KDM4C: variants seen among roughly 807,000 people sequenced by gnomAD.
The protein encoded by KDM4C is lysine-specific demethylase 4C.
In KDM4C, 81 loss-of-function variants were observed where a neutral mutation model predicts 129.3. The ratio of observed to expected loss-of-function variants is 0.63; its 90% CI spans 0.52 to 0.75. KDM4C has a LOEUF of 0.75. Among genes scored for constraint, KDM4C ranks in the 30% least tolerant of loss-of-function variants. KDM4C has a pLI of 0.00. For synonymous variants in KDM4C, 573 were observed against 456.1 expected (o/e 1.26, Z -3.26); for missense variants, 1,457 against 1,304.0 (o/e 1.12, Z -1.81).
At chr9:6,819,477 G>C (rs1230835735) in intron 4 of KDM4C, among the ~76,000 whole-genome samples, 1 of 152,160 alleles carries the variant, frequency 6.6e-6, no homozygotes, top group Non-Finnish European at 1.5e-5. Context: ...ATTTTGGTAG[G>C]ACCTACAAGG....
chr9:7,034,700 G>A (rs1355647163), intron 15 of KDM4C, among the ~76,000 whole-genome samples: 4 of 152,146 alleles, frequency 2.6e-5, no homozygotes, highest in Non-Finnish European at 5.9e-5. Flanking sequence ...CCCAGTAGTG[G>A]TATTGCTGTA....
intron 8 of KDM4C, among the ~76,000 whole-genome samples, chr9:6,923,903 A>G (rs1821998433): frequency 6.6e-6 from 1 of 152,198 alleles, no homozygotes; most frequent in Non-Finnish European, 1.5e-5. Flanking sequence ...AAAAAGCAGG[A>G]ATCTGAGAAG....
intron 4 of KDM4C, among the ~76,000 whole-genome samples, chr9:6,833,234 A>G (rs1275641496): frequency 6.6e-6 from 1 of 152,144 alleles, no homozygotes; most frequent in East Asian, 1.9e-4. Flanking sequence ...TAATATTTCT[A>G]TTTAGCCTAT....
intron 5 of KDM4C, among the ~76,000 whole-genome samples, chr9:6,861,753 C>T (rs1178052690): frequency 6.6e-6 from 1 of 151,598 alleles, no homozygotes; most frequent in Non-Finnish European, 1.5e-5. Context: ...CATAAAGTTA[C>T]TTTACAATAT....
At chr9:6,780,043 C>T (rs1268142867) in intron 1 of KDM4C, among the ~76,000 whole-genome samples, 1 of 152,140 alleles carries the variant, frequency 6.6e-6, no homozygotes, top group Non-Finnish European at 1.5e-5. Context: ...CTGACTCACC[C>T]TTATCTTAAC....
intron 9 of KDM4C, 74 bp downstream of exon 9, chr9:6,981,192 C>T: frequency 8.5e-7 from 1 of 1,176,038 alleles, no homozygotes; most frequent in Non-Finnish European, 1.2e-6. Context: ...TTGGATGTGG[C>T]AATTTACTTG....
chr9:7,082,010 A>T (rs1834578953), intron 17 of KDM4C, among the ~76,000 whole-genome samples: 1 of 152,172 alleles, frequency 6.6e-6, no homozygotes. Flanking sequence ...GGTGTTTTCC[A>T]CTTAGCCTGG....
chr9:6,764,218 A>T (rs1820170083), intron 1 of KDM4C, among the ~76,000 whole-genome samples: 1 of 152,216 alleles, frequency 6.6e-6, no homozygotes, highest in Non-Finnish European at 1.5e-5. Context: ...CCCAGTTGGA[A>T]TTTCCGATGT....
chr9:6,854,079 T>C (rs1178314887), intron 5 of KDM4C, among the ~76,000 whole-genome samples: 2 of 152,124 alleles, frequency 1.3e-5, no homozygotes, highest in African/African-American at 4.8e-5. Flanking sequence ...TTGGCCATAA[T>C]GTATGTATTT....
chr9:6,822,622 G>C (rs1252574416), intron 4 of KDM4C, among the ~76,000 whole-genome samples: 1 of 152,128 alleles, frequency 6.6e-6, no homozygotes, highest in Non-Finnish European at 1.5e-5. Context: ...CTAAGGGCTG[G>C]TCTGCCGATG....
chr9:6,780,736 C>G (rs1005606175), intron 1 of KDM4C, among the ~76,000 whole-genome samples: 104 of 137,044 alleles, frequency 7.6e-4, no homozygotes, highest in African/African-American at 2.8e-3. Context: ...CCATTGTACT[C>G]CAGCCTGGGC....
chr9:6,969,380 T>TA (rs200757909), intron 8 of KDM4C, among the ~76,000 whole-genome samples: 1,570 of 152,356 alleles, frequency 0.01, 27 homozygotes, highest in African/African-American at 0.036. Context: ...AACAGCAATC[T>TA]AAAAATCAAG....
intron 8 of KDM4C, among the ~76,000 whole-genome samples, chr9:6,965,680 C>T (rs1469182755): frequency 1.3e-5 from 2 of 152,174 alleles, no homozygotes; most frequent in African/African-American, 4.8e-5. Context: ...ACTGATGTTC[C>T]AGTTCATGCA....
At position 6,893,084 on chromosome 9, in the gene KDM4C, C is replaced by T. The variant is rs1846332073; in HGVS notation, c.784-11C>T. On this transcript the variant is annotated splice_polypyrimidine_tract_variant and intron_variant, in intron 7 of 21. Coordinates refer to ENST00000381309, the MANE Select transcript of KDM4C (RefSeq NM_015061.6). ...ATTTTTACAAAATATTATATGTTTC[C>T]TACCTTGCAGATAACCCAGGAGGCT... is the stretch of plus-strand genomic sequence containing the variant. 3 of 1,509,438 alleles carry T rather than the reference C, an allele frequency of 2.0e-6. No individual in the cohort carries two copies. Among genetic ancestry groups the T allele is most frequent in the Non-Finnish European group, 1.8e-6 (2 of 1,127,242 alleles). The allele number at this position is 1,509,438 out of a possible 1,614,324, so 93.5% of individuals were successfully genotyped here. A position where few individuals can be genotyped will look rare whatever the true frequency, so the allele number is the denominator to read the frequency against.
At chr9:7,040,253 G>A (rs1828327364) in intron 15 of KDM4C, among the ~76,000 whole-genome samples, 1 of 151,542 alleles carries the variant, frequency 6.6e-6, no homozygotes, top group African/African-American at 2.4e-5. Flanking sequence ...TTTGTTTTAA[G>A]CATTTGTCTT....
intron 8 of KDM4C, among the ~76,000 whole-genome samples, chr9:6,955,053 C>T (rs932698249): frequency 2.0e-5 from 3 of 152,190 alleles, no homozygotes; most frequent in African/African-American, 7.2e-5. Context: ...TGTGGCTAGA[C>T]CCCTCTTCCT....
chr9:6,845,624 C>A (rs1025923549), intron 4 of KDM4C, among the ~76,000 whole-genome samples: 5 of 152,090 alleles, frequency 3.3e-5, no homozygotes, highest in Admixed American at 2.0e-4. Context: ...GTGCAAAAAT[C>A]GTGGTCCAAT....
chr9:7,064,153 C>A (rs1361292625), intron 17 of KDM4C, among the ~76,000 whole-genome samples: 1 of 152,150 alleles, frequency 6.6e-6, no homozygotes, highest in Non-Finnish European at 1.5e-5. Context: ...GCCTACCTTT[C>A]ACATGTAACC....
Position 7,113,073 on chromosome 9 carries a change from G to A in KDM4C, c.2610+9203G>A, listed in dbSNP as rs7035850. ...TAACAAATGGCCTGCTGAATTTGCA[G>A]TGTTATTATTGACAAAGAGAGATTT... On this transcript the variant is annotated intron_variant, in intron 18 of 21. Transcript: ENST00000381309. 5.0e-3 allele frequency among the ~76,000 whole-genome samples: 765 copies of A among 152,128 alleles called. 4 individuals carry two copies. The highest frequency in any genetic ancestry group is 0.017 in the African/African-American group (719 of 41,498).
Sources: allele counts gnomAD v4.1 joint callset (sites outside exome capture counted in the v4.1 genomes callset), GRCh38; gene constraint gnomAD v4.1.1; transcripts MANE v1.5; gene names NCBI Gene and HGNC (gene_info 2026-07-23, HGNC 2026-07-21).